Variants in BTBD9 observed in about 807,000 individuals in gnomAD.
BTBD9 encodes the protein BTB/POZ domain-containing protein 9.
In BTBD9, 49 loss-of-function variants were observed where a neutral mutation model predicts 64.3. The ratio of observed to expected loss-of-function variants is 0.76; its 90% CI spans 0.61 to 0.97. BTBD9 has a LOEUF of 0.97. BTBD9 is among the 50% of genes least tolerant of loss of function. The pLI is 0.00. For missense variants in BTBD9, 598 were observed against 762.1 expected, an observed-to-expected ratio of 0.78 and a Z score of 2.53; for synonymous variants, 260 against 274.7, an observed-to-expected ratio of 0.95 and a Z score of 0.53.
At chr6:38,227,505 C>T (rs1763438905) in intron 9 of BTBD9, among the ~76,000 whole-genome samples, 1 of 152,144 alleles carries the variant, frequency 6.6e-6, no homozygotes, top group African/African-American at 2.4e-5. Context: ...CTGTCCCTAT[C>T]CCTTCCGCCT....
intron 8 of BTBD9, among the ~76,000 whole-genome samples, chr6:38,263,760 C>G (rs1443343385): frequency 6.6e-6 from 1 of 152,210 alleles, no homozygotes; most frequent in Non-Finnish European, 1.5e-5. Context: ...TACTAGGGCC[C>G]TCCGAGTTTC....
intron 1 of BTBD9, among the ~76,000 whole-genome samples, chr6:38,617,428 T>G (rs1777830140): frequency 6.6e-6 from 1 of 152,098 alleles, no homozygotes; most frequent in Non-Finnish European, 1.5e-5. Context: ...TCAAAACCAC[T>G]CCCTGTCCCC....
At chr6:38,631,354 T>C (rs545112683) in intron 1 of BTBD9, among the ~76,000 whole-genome samples, 37 of 152,352 alleles carry the variant, frequency 2.4e-4, no homozygotes, top group African/African-American at 8.4e-4. Context: ...GATGGTTGTT[T>C]GGAAATATGC....
chr6:38,412,342 G>A (rs76750040), intron 6 of BTBD9, among the ~76,000 whole-genome samples: 1,557 of 152,094 alleles, frequency 0.01, 15 homozygotes, highest in South Asian at 0.039. Context: ...CAAAACACAC[G>A]AACATATGCT....
chr6:38,484,176 T>TAAA (rs1033174947), intron 6 of BTBD9, among the ~76,000 whole-genome samples: 5 of 152,174 alleles, frequency 3.3e-5, no homozygotes, highest in African/African-American at 1.2e-4. Context: ...CACAGAAGCA[T>TAAA]AAAGGTGAGA....
intron 6 of BTBD9, among the ~76,000 whole-genome samples, chr6:38,562,608 A>G (rs1037397867): frequency 2.0e-5 from 3 of 152,180 alleles, no homozygotes; most frequent in African/African-American, 7.2e-5. Context: ...AATCCAAATA[A>G]ACATTTATAT....
rs138938590 is a variant in BTBD9 at position 38,486,165 on chromosome 6, A to C, written c.1154+91435T>G. ...TCAGCCTTCACAGAATTGAAGAGTTAGGGCCTTGCTCCGAATCAGGCTTTG... is the reference window on the plus strand; with the variant it reads ...TCAGCCTTCACAGAATTGAAGAGTTCGGGCCTTGCTCCGAATCAGGCTTTG... On this transcript the variant is annotated intron_variant, in intron 6 of 10. Coordinates refer to ENST00000481247, the MANE Select transcript of BTBD9 (RefSeq NM_001099272.2). 6.9e-3 allele frequency among the ~76,000 whole-genome samples: 1,048 copies of C among 152,334 alleles called. 7 individuals are homozygous for C. The highest frequency in any genetic ancestry group is 0.024 in the African/African-American group (990 of 41,578).
intron 7 of BTBD9, among the ~76,000 whole-genome samples, chr6:38,300,315 G>A (rs534065662): frequency 2.0e-5 from 3 of 152,108 alleles, no homozygotes; most frequent in Non-Finnish European, 2.9e-5. Flanking sequence ...TTGTTCTTTA[G>A]GCTTAGGATT....
At chr6:38,365,809 C>T (rs1044314936) in intron 6 of BTBD9, among the ~76,000 whole-genome samples, 3 of 150,928 alleles carry the variant, frequency 2.0e-5, no homozygotes, top group Non-Finnish European at 4.4e-5. Context: ...AGGCCAAATG[C>T]TACCGATAAG....
chr6:38,180,043 T>A (rs1005850035), intron 10 of BTBD9, among the ~76,000 whole-genome samples: 11 of 152,216 alleles, frequency 7.2e-5, no homozygotes, highest in Admixed American at 6.5e-4. Flanking sequence ...TGTTGATGAT[T>A]TAAGCCTAGC....
chr6:38,490,148 G>C (rs1771638387), intron 6 of BTBD9, among the ~76,000 whole-genome samples: 1 of 152,170 alleles, frequency 6.6e-6, no homozygotes, highest in Non-Finnish European at 1.5e-5. Flanking sequence ...AAGGAATGTG[G>C]AGTAGAAACG....
At chr6:38,487,790 A>G (rs1771526347) in intron 6 of BTBD9, among the ~76,000 whole-genome samples, 1 of 152,152 alleles carries the variant, frequency 6.6e-6, no homozygotes, top group South Asian at 2.1e-4. Context: ...TTGAACAGAG[A>G]TCAGCAAACT....
chr6:38,453,647 G>A (rs571677413), intron 6 of BTBD9, among the ~76,000 whole-genome samples: 11 of 152,286 alleles, frequency 7.2e-5, no homozygotes, highest in Non-Finnish European at 1.2e-4. Context: ...AGGACAGCCT[G>A]ACAACTGGAT....
chr6:38,269,225 T>C (rs1404695665), intron 8 of BTBD9, among the ~76,000 whole-genome samples: 2 of 152,122 alleles, frequency 1.3e-5, no homozygotes, highest in Admixed American at 1.3e-4. Context: ...CACCAGTATA[T>C]AAAGGTGAAA....
At chr6:38,478,598 T>C (rs1308011328) in intron 6 of BTBD9, among the ~76,000 whole-genome samples, 1 of 152,196 alleles carries the variant, frequency 6.6e-6, no homozygotes, top group Non-Finnish European at 1.5e-5. Context: ...GAAATGTGCA[T>C]GGGCAGACAA....
chr6:38,546,819 C>G (rs1774572030), intron 6 of BTBD9, among the ~76,000 whole-genome samples: 1 of 152,180 alleles, frequency 6.6e-6, no homozygotes, highest in Non-Finnish European at 1.5e-5. Context: ...CAGGTGCCCA[C>G]CACCATGCCC....
chr6:38,208,368 T>C (rs892852427), intron 9 of BTBD9, among the ~76,000 whole-genome samples: 2 of 152,182 alleles, frequency 1.3e-5, no homozygotes, highest in African/African-American at 2.4e-5. Context: ...TCTGGCGCAT[T>C]GTAGTGATGG....
intron 9 of BTBD9, among the ~76,000 whole-genome samples, chr6:38,245,904 CT>C (rs2127527736): frequency 6.6e-6 from 1 of 152,234 alleles, no homozygotes; most frequent in East Asian, 1.9e-4. Flanking sequence ...TTGAGGTATG[CT>C]TCATTTTTTT....
Position 38,425,927 on chromosome 6 carries a change from TACACACACACACACACACAC to T in BTBD9, c.1155-80854_1155-80835del, listed in dbSNP as rs61016424. ...GTGAGACCCTATCTCAAGAAACACA[TACACACACACACACACACAC>T]ACACACACACAAACAAAAGCAAGCC... On this transcript the variant is annotated intron_variant, in intron 6 of 10. Coordinates refer to ENST00000481247, the MANE Select transcript of BTBD9 (RefSeq NM_001099272.2). 7.1e-4 allele frequency among the ~76,000 whole-genome samples: 97 copies of T among 137,074 alleles called. 1 individual carries two copies. The highest frequency in any genetic ancestry group is 2.3e-3 in the African/African-American group (83 of 36,396). The allele number at this position is 137,074 out of a possible 152,430, so 89.9% of individuals were successfully genotyped here.
Sources: allele counts gnomAD v4.1 joint callset (sites outside exome capture counted in the v4.1 genomes callset), GRCh38; gene constraint gnomAD v4.1.1; transcripts MANE v1.5; gene names NCBI Gene and HGNC (gene_info 2026-07-23, HGNC 2026-07-21).